Variants in RAB38 observed in about 807,000 individuals in gnomAD.
The protein encoded by RAB38 is ras-related protein Rab-38.
RAB38 carries 15 observed loss-of-function variants against 18.4 expected under a neutral mutation model. That is an observed-to-expected ratio of 0.82 (90% CI 0.55 to 1.26). The LOEUF is 1.26. Among genes scored for constraint, RAB38 ranks in the 50% most tolerant of loss-of-function variants. The pLI, the probability that RAB38 is intolerant of heterozygous loss-of-function variation, is 0.00. For missense variants in RAB38, 294 were observed against 267.4 expected (o/e 1.10, Z -0.69); for synonymous variants, 101 against 104.4 (o/e 0.97, Z 0.20).
the RAB38 span, among the ~76,000 whole-genome samples, chr11:88,052,875 C>T: frequency 8.2e-6 from 1 of 121,890 alleles, no homozygotes; most frequent in African/African-American, 3.2e-5. Context: ...CTCATTACTG[C>T]CTCCCAGGGC....
At chr11:88,080,654 A>C in the RAB38 span, among the ~76,000 whole-genome samples, 1 of 152,014 alleles carries the variant, frequency 6.6e-6, no homozygotes, top group African/African-American at 2.4e-5. Context: ...AGTTGCAATA[A>C]ACATCACAGT....
At chr11:87,882,542 A>C in the RAB38 span, among the ~76,000 whole-genome samples, 1 of 151,888 alleles carries the variant, frequency 6.6e-6, no homozygotes, top group African/African-American at 2.4e-5. Context: ...AATTTTTATG[A>C]ATCATTTGCT....
At chr11:88,029,369 A>G in the RAB38 span, among the ~76,000 whole-genome samples, 1 of 151,352 alleles carries the variant, frequency 6.6e-6, no homozygotes, top group Non-Finnish European at 1.5e-5. Context: ...GATCAAATTC[A>G]CACATAACAA....
chr11:88,158,576 A>G (rs952168367), intron 1 of RAB38, among the ~76,000 whole-genome samples: 2 of 152,176 alleles, frequency 1.3e-5, no homozygotes, highest in Non-Finnish European at 2.9e-5. Context: ...TGAATTCACT[A>G]TGATCAAATA....
At position 88,127,869 on chromosome 11, in the gene RAB38, T is replaced by C. The variant is rs77442669; in HGVS notation, c.484-13729A>G. On this transcript the variant is annotated intron_variant, in intron 2 of 2. Transcript: ENST00000243662. ...TATGGTCACACACATGTACAATTAC[T>C]TTTTAAAATTTACCTTCTCTCTAGA... Among the ~76,000 whole-genome samples, 831 of 152,306 alleles carry C rather than the reference T, an allele frequency of 5.5e-3. 3 individuals carry two copies. The highest frequency in any genetic ancestry group is 0.019 in the African/African-American group (794 of 41,564).
chr11:88,110,915 T>TGG (rs111917118), downstream of RAB38, among the ~76,000 whole-genome samples: 11,211 of 151,658 alleles, frequency 0.074, 702 homozygotes, highest in African/African-American at 0.17. Flanking sequence ...CCAAGGCAGG[T>TGG]GGATCACTTG....
the RAB38 span, among the ~76,000 whole-genome samples, chr11:87,976,287 T>A: frequency 1.4e-5 from 2 of 144,626 alleles, no homozygotes; most frequent in African/African-American, 2.5e-5. Context: ...TATATATATA[T>A]ATACATACAC....
the RAB38 span, among the ~76,000 whole-genome samples, chr11:88,065,809 C>T: frequency 6.6e-6 from 1 of 152,156 alleles, no homozygotes; most frequent in Non-Finnish European, 1.5e-5. Flanking sequence ...GAAGGCATTT[C>T]TCAGTTTATG....
the RAB38 span, among the ~76,000 whole-genome samples, chr11:88,041,741 C>T: frequency 4.6e-5 from 7 of 152,228 alleles, no homozygotes; most frequent in South Asian, 4.2e-4. Flanking sequence ...AGAAAAAGCA[C>T]CTAGATAAGG....
At position 88,135,099 on chromosome 11, in the gene RAB38, AAAC is replaced by A. The variant is rs137953672; in HGVS notation, c.483+14573_483+14575del. On this transcript the variant is annotated intron_variant, in intron 2 of 2. Transcript: ENST00000243662. ...CTCATCTTTCAAATATTTACCTTAA[AAAC>A]AACAACAACAACAAAAACACCCTCT... Among the ~76,000 whole-genome samples the A allele has an allele frequency of 4.6e-5, 7 of 152,138 alleles. No homozygotes were observed. In the East Asian group the frequency reaches 9.6e-4, roughly 21 times the overall value.
chr11:87,839,350 A>C, the RAB38 span, among the ~76,000 whole-genome samples: 112 of 152,360 alleles, frequency 7.4e-4, 1 homozygote, highest in African/African-American at 2.5e-3. Flanking sequence ...GATGTTGCAG[A>C]AAGTCAAGAC....
chr11:87,872,684 CTT>C, the RAB38 span, among the ~76,000 whole-genome samples: 1 of 151,534 alleles, frequency 6.6e-6, no homozygotes, highest in Admixed American at 6.6e-5. Context: ...TGGTTGGAAT[CTT>C]TTATTTCATT....
the RAB38 span, among the ~76,000 whole-genome samples, chr11:87,869,921 T>C: frequency 2.1e-3 from 324 of 151,802 alleles, 4 homozygotes; most frequent in Middle Eastern, 0.017. Flanking sequence ...TCTATAGATA[T>C]GTTAAAAGTC....
the RAB38 span, among the ~76,000 whole-genome samples, chr11:88,081,255 G>A: frequency 2.6e-5 from 4 of 151,860 alleles, no homozygotes; most frequent in South Asian, 8.3e-4. Flanking sequence ...TTGAAACATA[G>A]CTTTGTTATA....
downstream of RAB38, among the ~76,000 whole-genome samples, chr11:88,111,187 T>C (rs763973277): frequency 3.2e-4 from 48 of 152,178 alleles, no homozygotes; most frequent in Non-Finnish European, 6.0e-4. Flanking sequence ...CCTGAGAGTA[T>C]GAGTCCCTGA....
At chr11:87,969,992 AG>A in the RAB38 span, among the ~76,000 whole-genome samples, 1 of 152,090 alleles carries the variant, frequency 6.6e-6, no homozygotes, top group Non-Finnish European at 1.5e-5. Context: ...TAAACAAGTA[AG>A]TCAGGTTCAG....
At chr11:88,169,453 A>C (rs1943282970) in intron 1 of RAB38, among the ~76,000 whole-genome samples, 1 of 152,222 alleles carries the variant, frequency 6.6e-6, no homozygotes, top group Admixed American at 6.5e-5. Context: ...GCACATGTTC[A>C]CAGGCAGTAT....
chr11:88,017,977 T>C, the RAB38 span, among the ~76,000 whole-genome samples: 5 of 151,956 alleles, frequency 3.3e-5, no homozygotes, highest in African/African-American at 1.2e-4. Flanking sequence ...AAGGGGAGTT[T>C]CCCTGCACAA....
chr11:87,976,917 ATT>A, the RAB38 span, among the ~76,000 whole-genome samples: 136 of 726 alleles, frequency 0.19, 11 homozygotes, highest in South Asian at 0.4. Flanking sequence ...TGTATTATAT[ATT>A]ATAATTACAT....
Sources: gnomAD v4.1 joint callset for allele counts (sites outside exome capture counted in the v4.1 genomes callset) on GRCh38, gnomAD v4.1.1 for gene constraint, MANE v1.5 for transcripts, NCBI Gene and HGNC (gene_info 2026-07-23, HGNC 2026-07-21) for gene names.